PREX1: variants seen among roughly 807,000 people sequenced by gnomAD.
PREX1 encodes the protein phosphatidylinositol 3,4,5-trisphosphate-dependent Rac exchanger 1 protein.
A neutral mutation model predicts 198.3 loss-of-function variants in PREX1; 41 were observed. The ratio of observed to expected loss-of-function variants is 0.21; its 90% CI spans 0.16 to 0.27. The LOEUF is 0.27. Ranked by LOEUF, PREX1 falls within the 10% of genes least tolerant of loss-of-function variation. The pLI, the probability that PREX1 is intolerant of heterozygous loss-of-function variation, is 1.00. For synonymous variants in PREX1, 843 were observed against 887.2 expected (o/e 0.95, Z 0.89); for missense variants, 1,620 against 2,200.7 (o/e 0.74, Z 5.28).
At chr20:48,732,291 G>T (rs1487330056) in intron 4 of PREX1, among the ~76,000 whole-genome samples, 1 of 152,078 alleles carries the variant, frequency 6.6e-6, no homozygotes, top group East Asian at 1.9e-4. Flanking sequence ...CAAGCAACAT[G>T]AACTCACTTG....
At chr20:48,872,790 G>A in the PREX1 span, among the ~76,000 whole-genome samples, 2 of 151,994 alleles carry the variant, frequency 1.3e-5, no homozygotes, top group African/African-American at 2.4e-5. Context: ...TAAGCAATGG[G>A]TACAAAGTGC....
chr20:48,878,392 T>A, the PREX1 span, among the ~76,000 whole-genome samples: 1 of 151,874 alleles, frequency 6.6e-6, no homozygotes, highest in African/African-American at 2.4e-5. Flanking sequence ...TAGGCTGGAG[T>A]GCAGTGGCAC....
the PREX1 span, among the ~76,000 whole-genome samples, chr20:48,875,918 G>A: frequency 2.6e-5 from 4 of 152,186 alleles, no homozygotes; most frequent in Non-Finnish European, 5.9e-5. Context: ...TCAAGCTCAG[G>A]CTCCTGGAGG....
the PREX1 span, among the ~76,000 whole-genome samples, chr20:48,886,438 C>T: frequency 1.3e-5 from 2 of 152,130 alleles, no homozygotes; most frequent in Admixed American, 6.6e-5. Context: ...GCTGGCCAGG[C>T]CACCCTTAGT....
chr20:48,747,910 G>A (rs752279944), intron 1 of PREX1, 30 bp from the exon 2 acceptor site: 2 of 1,588,890 alleles, frequency 1.3e-6, no homozygotes, highest in South Asian at 2.2e-5. Context: ...AGAGGTGAGT[G>A]TCCGCGTCTC....
rs571252178 is a variant in PREX1, at chr20:48,703,524, G to A, written c.784-2638C>T. ...TCATCATGGCCCATGCGCAGCACAC[G>A]GCAGACAACCGGTTCAGCAGTCCCT... On this transcript the variant is annotated intron_variant, in intron 6 of 39. Transcript: ENST00000371941. 6.6e-5 allele frequency among the ~76,000 whole-genome samples: 10 copies of A among 152,286 alleles called. No homozygotes were observed. The South Asian group carries it at 1.9e-3, about 28-fold the overall frequency.
the PREX1 span, among the ~76,000 whole-genome samples, chr20:48,876,483 C>T: frequency 6.6e-6 from 1 of 152,174 alleles, no homozygotes. Context: ...TTTTATCTTC[C>T]TGATTAATTG....
At chr20:48,643,046 C>T (rs1263230519) in intron 27 of PREX1, among the ~76,000 whole-genome samples, 1 of 152,214 alleles carries the variant, frequency 6.6e-6, no homozygotes, top group East Asian at 1.9e-4. Context: ...ACAGCAGTGA[C>T]AGCCTGAGAA....
chr20:48,725,072 C>G (rs1374990063), intron 5 of PREX1, among the ~76,000 whole-genome samples: 1 of 152,224 alleles, frequency 6.6e-6, no homozygotes, highest in East Asian at 1.9e-4. Context: ...GAGCTGATGG[C>G]CCCAGGGTCT....
chr20:48,650,094 A>G lies in PREX1; in HGVS notation c.2930T>C (p.Met977Thr). ...FCPTNCHINL[M>T]EVSYPKTTPS... The stretch of plus-strand genomic sequence containing the variant: ...GGTGGTCTTGGGGTAGGACACTTCC[A>G]TGAGGTTGATGTGGCAATTGGTGGG... The change falls in exon 24 of 40, where the codon ATG (methionine) becomes ACG (threonine). Residue 977 changes from methionine (M) to threonine (T), a missense_variant. Physicochemically the swap from Met to Thr is moderately conservative, Grantham distance 81. This residue lies in a region of PREX1 where 514 missense variants were observed against 611.6 expected (regional missense o/e 0.84). Transcript: ENST00000371941. The G allele has an allele frequency of 1.2e-6, 2 of 1,614,148 alleles. No individual in the cohort carries two copies. Among genetic ancestry groups the G allele is most frequent in the Non-Finnish European group, 1.7e-6 (2 of 1,179,982 alleles).
intron 1 of PREX1, among the ~76,000 whole-genome samples, chr20:48,809,614 ATTG>A (rs1286045198): frequency 1.3e-5 from 2 of 152,146 alleles, no homozygotes; most frequent in African/African-American, 4.8e-5. Context: ...TGTCTTTATT[ATTG>A]TTCTTGTTAT....
chr20:48,630,803 G>C lies in PREX1; in HGVS notation c.4527-9C>G. 1 of 1,559,676 alleles carries C rather than the reference G, an allele frequency of 6.4e-7. No individual in the cohort carries two copies. The highest frequency in any genetic ancestry group is 8.8e-7 in the Non-Finnish European group (1 of 1,130,858). ...GCTCCAGGTAAAATGCCCTGCGAGA[G>C]AAAGATGGGAATGAGGCGGGGGCCA... On this transcript the variant is annotated splice_polypyrimidine_tract_variant and intron_variant, in intron 35 of 39. Coordinates refer to ENST00000371941, the MANE Select transcript of PREX1 (RefSeq NM_020820.4).
At chr20:48,853,708 A>C in the PREX1 span, among the ~76,000 whole-genome samples, 9 of 152,080 alleles carry the variant, frequency 5.9e-5, no homozygotes, top group Non-Finnish European at 7.4e-5. Context: ...ACTTGCATAC[A>C]CCTTTAAGGA....
chr20:48,860,791 C>A, the PREX1 span, among the ~76,000 whole-genome samples: 1 of 150,316 alleles, frequency 6.7e-6, no homozygotes, highest in African/African-American at 2.5e-5. Context: ...GCCGAGATCG[C>A]ACCACTGCAC....
Position 48,676,226 on chromosome 20 carries a change from G to T in PREX1, c.1632C>A (p.Pro544=). 6.2e-7 allele frequency: 1 copy of T among 1,614,012 alleles called. No individual in the cohort carries two copies. Among genetic ancestry groups the T allele is most frequent in the South Asian group, 1.1e-5 (1 of 91,076 alleles). Reference sequence around the variant, plus strand: ...GCAGCCAGTCCACCAGCTTGCTCCCGGGAAGCACTGACTTGTAGGTCTTCA... The same window carrying T: ...GCAGCCAGTCCACCAGCTTGCTCCCTGGAAGCACTGACTTGTAGGTCTTCA... The part of the protein sequence containing the change: ...YHLKTYKSVL[P]GSKLVDWLLA... Residue 544 remains proline (P), a synonymous_variant, in exon 14 of 40, where the codon CCC becomes CCA. Transcript: ENST00000371941.
At chr20:48,755,213 A>G (rs1797331476) in intron 1 of PREX1, among the ~76,000 whole-genome samples, 1 of 152,232 alleles carries the variant, frequency 6.6e-6, no homozygotes, top group African/African-American at 2.4e-5. Flanking sequence ...ACAAACAAGT[A>G]CATAAAATAT....
In PREX1 at chr20:48,639,763, G is replaced by C. The variant is rs376607906; in HGVS notation, c.3904+3C>G. ...CCATGATGCACCCTCCCTGCCCACC[G>C]ACCTTCCACATATCTCTGAATGTTG... On this transcript the variant is annotated splice_donor_region_variant and intron_variant, in intron 30 of 39. Transcript: ENST00000371941. 6.2e-7 allele frequency: 1 copy of C among 1,613,604 alleles called. No homozygotes were observed. The highest frequency in any genetic ancestry group is 8.5e-7 in the Non-Finnish European group (1 of 1,179,748).
chr20:48,801,027 C>T (rs978985037), intron 1 of PREX1, among the ~76,000 whole-genome samples: 16 of 152,124 alleles, frequency 1.1e-4, no homozygotes, highest in African/African-American at 3.9e-4. Flanking sequence ...AGCTGGGTAA[C>T]CTTTGGAGAG....
intron 14 of PREX1, among the ~76,000 whole-genome samples, chr20:48,670,062 G>A (rs750076841): frequency 2.6e-5 from 4 of 152,182 alleles, no homozygotes; most frequent in Non-Finnish European, 5.9e-5. Context: ...GACAGAGGAG[G>A]AAACAGAGGC....
Sources: allele counts gnomAD v4.1 joint callset (sites outside exome capture counted in the v4.1 genomes callset), GRCh38; gene constraint gnomAD v4.1.1; regional missense constraint gnomAD v4.1.1; transcripts MANE v1.5; gene names NCBI Gene and HGNC (gene_info 2026-07-23, HGNC 2026-07-21).